The following RIMS2 variants were observed in gnomAD, a reference collection of about 807,000 sequenced individuals.
RIMS2 encodes the protein regulating synaptic membrane exocytosis 2, also known as regulating synaptic membrane exocytosis protein 2.
Under a neutral mutation model 174.4 loss-of-function variants are expected in RIMS2, and 59 were observed. That is an observed-to-expected ratio of 0.34 (90% CI 0.27 to 0.42). The LOEUF is 0.42. Ranked by LOEUF, RIMS2 falls within the 10% of genes least tolerant of loss-of-function variation. The pLI is 1.00. For synonymous variants in RIMS2, 606 were observed against 572.5 expected (o/e 1.06, Z -0.84); for missense variants, 1,620 against 1,666.3 (o/e 0.97, Z 0.48).
chr8:103,739,501 A>T (rs965514686), intron 2 of RIMS2, among the ~76,000 whole-genome samples: 2 of 152,232 alleles, frequency 1.3e-5, no homozygotes, highest in Non-Finnish European at 2.9e-5. Context: ...CACGTTGTGC[A>T]CATGTACCCT....
chr8:104,170,129 G>A (rs1462639998), intron 19 of RIMS2, among the ~76,000 whole-genome samples: 1 of 152,118 alleles, frequency 6.6e-6, no homozygotes, highest in African/African-American at 2.4e-5. Flanking sequence ...TGAGAAGAAT[G>A]TATATTCTCC....
chr8:104,215,752 A>G (rs1371358607), intron 19 of RIMS2, among the ~76,000 whole-genome samples: 1 of 152,234 alleles, frequency 6.6e-6, no homozygotes, highest in African/African-American at 2.4e-5. Flanking sequence ...TGCTTGGAAC[A>G]GTGGAACAGA....
intron 20 of RIMS2, 77 bp downstream of exon 26, chr8:104,245,134 C>T (rs1336849970): frequency 6.9e-7 from 1 of 1,440,938 alleles, no homozygotes; most frequent in East Asian, 2.3e-5. Context: ...CAGAGATTTT[C>T]CAACTCTCAT....
downstream of RIMS2, chr8:104,253,406 A>G (rs1261705413): frequency 4.6e-5 from 7 of 152,142 alleles, no homozygotes; most frequent in African/African-American, 7.2e-5. Context: ...GTAAAATTCA[A>G]TTTTTCACAA....
intron 2 of RIMS2, among the ~76,000 whole-genome samples, chr8:103,745,264 C>T (rs974169512): frequency 6.6e-6 from 1 of 152,102 alleles, no homozygotes; most frequent in African/African-American, 2.4e-5. Flanking sequence ...TCCTATTATG[C>T]TTTTACGGCT....
At chr8:103,933,277 A>AGGCAGGTGCC (rs2080402893) in intron 12 of RIMS2, among the ~76,000 whole-genome samples, 2 of 139,358 alleles carry the variant, frequency 1.4e-5, no homozygotes, top group African/African-American at 5.4e-5. Flanking sequence ...TGGGCAACAG[A>AGGCAGGTGCC]TCGAGACTCT....
At chr8:103,601,794 A>AT (rs1399815496) in intron 1 of RIMS2, among the ~76,000 whole-genome samples, 1 of 150,510 alleles carries the variant, frequency 6.6e-6, no homozygotes, top group African/African-American at 2.4e-5. Flanking sequence ...TTTGCTTTTT[A>AT]TTTTTTATGT....
intron 3 of RIMS2, among the ~76,000 whole-genome samples, chr8:103,801,627 G>A (rs747452770): frequency 1.3e-5 from 2 of 151,854 alleles, no homozygotes; most frequent in Non-Finnish European, 1.5e-5. Flanking sequence ...ATAATTTCTC[G>A]TTGTCTCAGG....
intron 19 of RIMS2, among the ~76,000 whole-genome samples, chr8:104,167,682 G>T (rs571813670): frequency 6.6e-6 from 1 of 151,894 alleles, no homozygotes; most frequent in Non-Finnish European, 1.5e-5. Context: ...AGTTTAACTG[G>T]GTCCCACCTA....
At chr8:104,212,699 G>T (rs945031690) in intron 19 of RIMS2, among the ~76,000 whole-genome samples, 8 of 152,088 alleles carry the variant, frequency 5.3e-5, no homozygotes, top group African/African-American at 1.9e-4. Context: ...TGATATTTGT[G>T]TACTTCACTA....
chr8:103,501,204 G>C (rs1819597296), intron 1 of RIMS2, 142 bp downstream of exon 1: 3 of 483,938 alleles, frequency 6.2e-6, no homozygotes, highest in Non-Finnish European at 1.0e-5. Flanking sequence ...GGCCAGCGCC[G>C]GCCGCCCGGG....
intron 3 of RIMS2, among the ~76,000 whole-genome samples, chr8:103,833,496 G>C (rs1213352605): frequency 6.6e-6 from 1 of 151,622 alleles, no homozygotes; most frequent in African/African-American, 2.4e-5. Flanking sequence ...TTTTTCTTTT[G>C]ATTTCTCAGT....
intron 3 of RIMS2, among the ~76,000 whole-genome samples, chr8:103,831,456 T>A (rs986907098): frequency 6.6e-6 from 1 of 152,140 alleles, no homozygotes; most frequent in Non-Finnish European, 1.5e-5. Flanking sequence ...CCTTTCTACT[T>A]GTGTAACTGA....
chr8:104,229,884 C>T (rs957090105), intron 19 of RIMS2, among the ~76,000 whole-genome samples: 1 of 152,218 alleles, frequency 6.6e-6, no homozygotes, highest in Non-Finnish European at 1.5e-5. Context: ...CTGTGGGCAA[C>T]TAAGAAGGGA....
chr8:103,746,910 G>A (rs1441106815), intron 2 of RIMS2, among the ~76,000 whole-genome samples: 1 of 151,940 alleles, frequency 6.6e-6, no homozygotes, highest in African/African-American at 2.4e-5. Context: ...TCGATGTCCT[G>A]ACCTTGTGAT....
At chr8:103,661,495 A>G (rs544310310) in intron 1 of RIMS2, among the ~76,000 whole-genome samples, 11 of 152,006 alleles carry the variant, frequency 7.2e-5, no homozygotes, top group Admixed American at 1.3e-4. Flanking sequence ...TGGTAATACT[A>G]TAAATGCTGT....
chr8:103,524,381 G>A (rs1329776703), intron 1 of RIMS2, among the ~76,000 whole-genome samples: 1 of 151,960 alleles, frequency 6.6e-6, no homozygotes, highest in African/African-American at 2.4e-5. Context: ...GGAGATCCAC[G>A]CCACCGAAAG....
At chr8:103,985,666 T>C (rs889993702) in intron 16 of RIMS2, among the ~76,000 whole-genome samples, 1 of 151,934 alleles carries the variant, frequency 6.6e-6, no homozygotes, top group African/African-American at 2.4e-5. Context: ...AAAAAAGATA[T>C]CTGCACTCCC....
chr8:104,227,194 T>G (rs1448567234), intron 19 of RIMS2, among the ~76,000 whole-genome samples: 2 of 148,040 alleles, frequency 1.4e-5, no homozygotes, highest in Non-Finnish European at 3.0e-5. Context: ...TGGAATCGTT[T>G]TTGTATACTT....
Sources: allele counts gnomAD v4.1 joint callset (sites outside exome capture counted in the v4.1 genomes callset), GRCh38; gene constraint gnomAD v4.1.1; transcripts MANE v1.5; gene names NCBI Gene and HGNC (gene_info 2026-07-23, HGNC 2026-07-21).